RYR3: variants seen among roughly 807,000 people sequenced by gnomAD.
The protein encoded by RYR3 is ryanodine receptor 3.
In RYR3, 207 loss-of-function variants were observed where a neutral mutation model predicts 584.3. The ratio of observed to expected loss-of-function variants is 0.35; its 90% CI spans 0.32 to 0.40. The LOEUF (loss-of-function observed/expected upper bound fraction) is 0.40. Among genes scored for constraint, RYR3 ranks in the 10% least tolerant of loss-of-function variants. The pLI is 1.00. For missense variants in RYR3, 5,616 were observed against 6,089.2 expected (o/e 0.92, Z 2.59); for synonymous variants, 2,416 against 2,248.5 (o/e 1.07, Z -2.11).
At chr15:33,640,534 T>A (rs550503839) in intron 27 of RYR3, among the ~76,000 whole-genome samples, 1 of 152,318 alleles carries the variant, frequency 6.6e-6, no homozygotes, top group East Asian at 1.9e-4. Flanking sequence ...TGTCTTCCTT[T>A]AGTTTAAAAT....
At chr15:33,491,508 G>T (rs2050960740) in intron 2 of RYR3, among the ~76,000 whole-genome samples, 1 of 152,172 alleles carries the variant, frequency 6.6e-6, no homozygotes, top group Admixed American at 6.5e-5. Flanking sequence ...GTGTGGCATT[G>T]CTCCATCAGT....
At chr15:33,603,446 T>G in intron 18 of RYR3, 82 bp downstream of exon 18, 1 of 1,407,508 alleles carries the variant, frequency 7.1e-7, no homozygotes, top group Middle Eastern at 2.2e-4. Flanking sequence ...AATGACCACT[T>G]CCATTTGAAA....
intron 51 of RYR3, among the ~76,000 whole-genome samples, chr15:33,741,827 G>A (rs1191060500): frequency 6.6e-6 from 1 of 152,020 alleles, no homozygotes; most frequent in African/African-American, 2.4e-5. Context: ...TGTTAGCCAG[G>A]ATGGTCTCGA....
At chr15:33,572,998 T>C (rs1440325342) in intron 12 of RYR3, among the ~76,000 whole-genome samples, 6 of 152,132 alleles carry the variant, frequency 3.9e-5, no homozygotes, top group African/African-American at 1.4e-4. Context: ...AAAATAAAAA[T>C]AAGATAAAAT....
intron 1 of RYR3, among the ~76,000 whole-genome samples, chr15:33,336,459 AG>A (rs1165729017): frequency 3.1e-4 from 10 of 31,840 alleles, no homozygotes; most frequent in African/African-American, 9.3e-4. Context: ...AGAGAGAGAG[AG>A]AGAGAGAGAG....
chr15:33,351,623 G>A (rs1485599900), intron 1 of RYR3, among the ~76,000 whole-genome samples: 4 of 151,194 alleles, frequency 2.6e-5, no homozygotes, highest in Non-Finnish European at 5.9e-5. Flanking sequence ...ATCAATAAAT[G>A]TAATCCAGCA....
At chr15:33,738,262 C>T (rs989329523) in intron 49 of RYR3, among the ~76,000 whole-genome samples, 188 bp from the exon 50 acceptor site, 1 of 152,144 alleles carries the variant, frequency 6.6e-6, no homozygotes, top group South Asian at 2.1e-4. Context: ...CTCAAGCTGA[C>T]TGTTCCCAGC....
chr15:33,686,697 A>G lies in RYR3; in HGVS notation c.5861-9521A>G, dbSNP rs181347828. On this transcript the variant is annotated intron_variant, in intron 38 of 103. Transcript: ENST00000634891. ...CCTCAATAAAATACTGGCAAACTGA[A>G]TCCAGTAACACATCAAAAAGCTTAT... 3.8e-3 allele frequency among the ~76,000 whole-genome samples: 574 copies of G among 152,332 alleles called. 3 individuals are homozygous for G. Among genetic ancestry groups the G allele is most frequent in the South Asian group, 0.011 (51 of 4,820 alleles).
At position 33,699,782 on chromosome 15, in the gene RYR3, G is replaced by A. The variant is rs767189632; in HGVS notation, c.6328G>A (p.Ala2110Thr). Residue 2110 changes from alanine (A) to threonine (T), a missense_variant, in exon 41 of 104, where the codon GCC (alanine) becomes ACC (threonine). Ala to Thr is a moderately conservative substitution (Grantham distance 58, BLOSUM62 0). Around this residue, in one of 9 missense-constraint regions of RYR3, gnomAD observed 1,280 missense variants for 1,426.2 expected, o/e 0.90. Transcript: ENST00000634891. ...FCRISRQNQK[A>T]MFEHLSYLLE... Reference sequence around the variant, plus strand: ...TCGAATTAGCCGGCAAAATCAGAAGGCCATGTTTGAGCATCTGAGTTATCT... The same window carrying A: ...TCGAATTAGCCGGCAAAATCAGAAGACCATGTTTGAGCATCTGAGTTATCT... 6.2e-7 allele frequency: 1 copy of A among 1,613,846 alleles called. No homozygotes were observed. Among genetic ancestry groups the A allele is most frequent in the South Asian group, 1.1e-5 (1 of 91,046 alleles).
intron 38 of RYR3, among the ~76,000 whole-genome samples, chr15:33,678,820 C>T (rs1316228434): frequency 6.6e-6 from 1 of 152,158 alleles, no homozygotes; most frequent in Non-Finnish European, 1.5e-5. Flanking sequence ...CTTCTTATCA[C>T]CCAAGAACAA....
rs193027109 is a variant in RYR3, at chr15:33,668,171, G to A, written c.5620-1183G>A. On this transcript the variant is annotated intron_variant, in intron 36 of 103. Coordinates refer to ENST00000634891, the MANE Select transcript of RYR3 (RefSeq NM_001036.6). ...AAATACAAAAAAAAAAAAGAAATCA[G>A]CCGGGCGTGTTGGCGGGCGCCTGTG... Among the ~76,000 whole-genome samples the A allele has an allele frequency of 2.3e-3, 346 of 149,620 alleles. 2 individuals carry two copies. Among genetic ancestry groups the A allele is most frequent in the African/African-American group, 8.3e-3 (339 of 40,870 alleles).
At chr15:33,848,709 A>ACACAGTGTT (rs2152992056) in intron 94 of RYR3, among the ~76,000 whole-genome samples, 1 of 152,188 alleles carries the variant, frequency 6.6e-6, no homozygotes, top group Non-Finnish European at 1.5e-5. Flanking sequence ...TGTTCGAGTC[A>ACACAGTGTT]CACAGTGTTT....
At position 33,734,956 on chromosome 15, in the gene RYR3, G is replaced by C. The variant is rs1160192326; in HGVS notation, c.7425-1279G>C. Among the ~76,000 whole-genome samples, 3 of 152,082 alleles carry C rather than the reference G, an allele frequency of 2.0e-5. No homozygotes were observed. The East Asian group carries it at 5.8e-4, about 29-fold the overall frequency. On this transcript the variant is annotated intron_variant, in intron 48 of 103. Transcript: ENST00000634891. ...TCACCCCACCTTGATCTCTCGAAGT[G>C]CTGAGATTACAGGCGTGAGCCACCG...
At chr15:33,648,745 G>C (rs1310000991) in intron 30 of RYR3, among the ~76,000 whole-genome samples, 1 of 152,212 alleles carries the variant, frequency 6.6e-6, no homozygotes, top group Non-Finnish European at 1.5e-5. Flanking sequence ...GCTCTGTGCT[G>C]CCATTCTGAG....
At chr15:33,576,649 A>G (rs1310369857) in intron 12 of RYR3, among the ~76,000 whole-genome samples, 1 of 152,242 alleles carries the variant, frequency 6.6e-6, no homozygotes, top group Non-Finnish European at 1.5e-5. Context: ...ACAAACCCAC[A>G]GTCAATATCA....
intron 1 of RYR3, among the ~76,000 whole-genome samples, chr15:33,316,214 C>A (rs572787143): frequency 4.6e-5 from 7 of 152,242 alleles, no homozygotes; most frequent in Admixed American, 1.3e-4. Flanking sequence ...GCATAGCTAT[C>A]TGTGCTTATT....
rs74005934 is a variant in RYR3, at chr15:33,656,830, G to A, written c.4309-2890G>A. Among the ~76,000 whole-genome samples the A allele has an allele frequency of 3.0e-3, 461 of 152,244 alleles. 5 individuals are homozygous for A. The highest frequency in any genetic ancestry group is 0.01 in the African/African-American group (436 of 41,534). The stretch of plus-strand genomic sequence containing the variant: ...TCCATTTCAAAGCCAACAAGGGCAC[G>A]TCCAGTTTTTCTCTCTGATTTTCCC... On this transcript the variant is annotated intron_variant, in intron 32 of 103. Coordinates refer to ENST00000634891, the MANE Select transcript of RYR3 (RefSeq NM_001036.6).
At chr15:33,644,240 G>A in intron 27 of RYR3, 71 bp from the exon 28 acceptor site, 2 of 1,233,488 alleles carry the variant, frequency 1.6e-6, no homozygotes, top group Non-Finnish European at 2.3e-6. Flanking sequence ...AGGAAGCAAA[G>A]ATTCAGCTGC....
chr15:33,714,610 A>G (rs1318000558), intron 43 of RYR3, among the ~76,000 whole-genome samples: 2 of 152,218 alleles, frequency 1.3e-5, no homozygotes, highest in Non-Finnish European at 2.9e-5. Flanking sequence ...ATCCACAAGA[A>G]AAAGGGAAAA....
Sources: gnomAD v4.1 joint callset for allele counts (sites outside exome capture counted in the v4.1 genomes callset) on GRCh38, gnomAD v4.1.1 for gene constraint, gnomAD v4.1.1 regional missense constraint, MANE v1.5 for transcripts, NCBI Gene and HGNC (gene_info 2026-07-23, HGNC 2026-07-21) for gene names.